DIPK1A: variants seen among roughly 807,000 people sequenced by gnomAD.
DIPK1A encodes the protein family with sequence similarity 69 member A.
DIPK1A carries 27 observed loss-of-function variants against 40.8 expected under a neutral mutation model. That is an observed-to-expected ratio of 0.66 (90% CI 0.49 to 0.91). The LOEUF (loss-of-function observed/expected upper bound fraction) is 0.91, where lower values mean the gene tolerates loss of function less well. DIPK1A is among the 40% of genes least tolerant of loss of function. DIPK1A has a pLI of 0.00. For synonymous variants in DIPK1A, 166 were observed against 171.3 expected, an observed-to-expected ratio of 0.97 and a Z score of 0.24; for missense variants, 412 against 505.7, an observed-to-expected ratio of 0.81 and a Z score of 1.78.
intron 1 of DIPK1A, among the ~76,000 whole-genome samples, chr1:92,881,154 C>CA (rs1377964852): frequency 3.0e-4 from 32 of 106,432 alleles, no homozygotes; most frequent in African/African-American, 1.2e-3. Context: ...GCCTGGGTGA[C>CA]AGAGCGAGAC....
At chr1:92,879,781 T>C (rs1648289745) in intron 1 of DIPK1A, among the ~76,000 whole-genome samples, 1 of 152,234 alleles carries the variant, frequency 6.6e-6, no homozygotes, top group Non-Finnish European at 1.5e-5. Context: ...CTCACTAAAA[T>C]GTTTCTAGTG....
intron 2 of DIPK1A, among the ~76,000 whole-genome samples, chr1:92,859,575 A>G (rs1042509197): frequency 6.6e-6 from 1 of 152,208 alleles, no homozygotes; most frequent in Non-Finnish European, 1.5e-5. Flanking sequence ...GCTTGGCTAG[A>G]GCTGTAATCA....
chr1:92,876,021 T>G (rs1648104561), intron 2 of DIPK1A, among the ~76,000 whole-genome samples: 1 of 149,424 alleles, frequency 6.7e-6, no homozygotes, highest in East Asian at 1.9e-4. Flanking sequence ...TTAAATATAT[T>G]AAAAATATAT....
intron 1 of DIPK1A, chr1:92,931,120 T>C (rs1650730385): frequency 2.6e-5 from 4 of 152,164 alleles, no homozygotes; most frequent in Admixed American, 2.6e-4. Flanking sequence ...AATAGATTTA[T>C]TATTTAGAGC....
rs1229617250 is a variant in DIPK1A, at chr1:92,842,652, A to G, written c.*731T>C. On this transcript the variant is annotated 3_prime_UTR_variant, in exon 5 of 5. Coordinates refer to ENST00000370310, the MANE Select transcript of DIPK1A (RefSeq NM_001006605.5). Reference sequence around the variant, plus strand: ...CATAGTTCAAAATCAGGATATGTGGATCTTGATTGGGCCTTAAGATGTCAG... The same window carrying G: ...CATAGTTCAAAATCAGGATATGTGGGTCTTGATTGGGCCTTAAGATGTCAG... 1 of 985,300 alleles carries G rather than the reference A, an allele frequency of 1.0e-6. No individual in the cohort carries two copies. Among genetic ancestry groups the G allele is most frequent in the African/African-American group, 1.7e-5 (1 of 57,228 alleles). 61.0% of individuals were successfully genotyped at this position (985,300 alleles called of 1,614,324 possible).
chr1:92,852,993 G>C (rs970024265), intron 2 of DIPK1A, among the ~76,000 whole-genome samples: 3 of 152,090 alleles, frequency 2.0e-5, no homozygotes, highest in African/African-American at 7.2e-5. Context: ...AGTGAGCCAA[G>C]ATCACACGAC....
At chr1:92,832,928 T>C in exon 5 of DIPK1A, 1 of 682,480 alleles carries the variant, frequency 1.5e-6, no homozygotes, top group Non-Finnish European at 2.7e-6. Flanking sequence ...GAGGCTAGGT[T>C]TTCGAAGTGG....
At chr1:92,954,306 A>AT (rs1203937669) in intron 1 of DIPK1A, among the ~76,000 whole-genome samples, 106 of 151,634 alleles carry the variant, frequency 7.0e-4, no homozygotes, top group African/African-American at 2.2e-3. Flanking sequence ...TCACAAAAAA[A>AT]AAAATAAATA....
intron 3 of DIPK1A, among the ~76,000 whole-genome samples, chr1:92,849,550 G>A (rs1687744916): frequency 6.6e-6 from 1 of 151,552 alleles, no homozygotes; most frequent in South Asian, 2.1e-4. Flanking sequence ...TCGCTCTATT[G>A]TCCAGGCTGG....
At chr1:92,871,327 G>A (rs1385219548) in intron 2 of DIPK1A, among the ~76,000 whole-genome samples, 3 of 151,958 alleles carry the variant, frequency 2.0e-5, no homozygotes, top group East Asian at 1.9e-4. Context: ...CACCACGCAC[G>A]GCTAATTTTG....
chr1:92,884,335 C>T (rs1461706641), intron 1 of DIPK1A, among the ~76,000 whole-genome samples: 2 of 151,982 alleles, frequency 1.3e-5, no homozygotes, highest in Non-Finnish European at 2.9e-5. Context: ...TGCCTGTGAT[C>T]CCAGCTACAC....
In DIPK1A at chr1:92,875,157, TTTCCGTC is replaced by T. The variant is rs555106322; in HGVS notation, c.189+1132_189+1138del. Among the ~76,000 whole-genome samples the T allele has an allele frequency of 1.4e-3, 213 of 152,306 alleles. 1 individual carries two copies. The highest frequency in any genetic ancestry group is 4.8e-3 in the African/African-American group (198 of 41,554). ...TCTTAGAACTTGGGGAAGCTCCAGGTTTCCGTCTTATGTTCCCATAACAGTTGCTATC... is the reference window on the plus strand; with the variant it reads ...TCTTAGAACTTGGGGAAGCTCCAGGTTTATGTTCCCATAACAGTTGCTATC... On this transcript the variant is annotated intron_variant, in intron 2 of 4. Transcript: ENST00000370310.
chr1:92,848,642 C>T (rs1408246793), intron 3 of DIPK1A, among the ~76,000 whole-genome samples: 1 of 152,168 alleles, frequency 6.6e-6, no homozygotes, highest in Non-Finnish European at 1.5e-5. Flanking sequence ...ATCCTCATAG[C>T]CTTTTGCACT....
At chr1:92,838,947 A>G (rs1281056138), downstream of DIPK1A, among the ~76,000 whole-genome samples, 1 of 151,416 alleles carries the variant, frequency 6.6e-6, no homozygotes, top group East Asian at 1.9e-4. Flanking sequence ...ACATCTCCAC[A>G]TTGATTGAAT....
intron 1 of DIPK1A, among the ~76,000 whole-genome samples, chr1:92,949,336 G>A (rs901196317): frequency 6.6e-6 from 1 of 151,560 alleles, no homozygotes; most frequent in African/African-American, 2.4e-5. Context: ...GTGCAATGGC[G>A]CAATCTCAGC....
At chr1:92,944,881 C>T (rs1651303264) in intron 1 of DIPK1A, among the ~76,000 whole-genome samples, 1 of 152,078 alleles carries the variant, frequency 6.6e-6, no homozygotes, top group African/African-American at 2.4e-5. Context: ...AAGTGATCCT[C>T]CTGCTTTGCG....
At chr1:92,871,173 A>AT (rs1020612528) in intron 2 of DIPK1A, among the ~76,000 whole-genome samples, 10 of 150,846 alleles carry the variant, frequency 6.6e-5, no homozygotes, top group Middle Eastern at 3.4e-3. Flanking sequence ...TTATTTATTT[A>AT]TTTTTTTCTG....
downstream of DIPK1A, chr1:92,837,723 G>C (rs1185108447): frequency 7.6e-6 from 8 of 1,053,078 alleles, no homozygotes; most frequent in African/African-American, 9.5e-5. Flanking sequence ...TTCTTATATA[G>C]GTGTGTTTCT....
intron 2 of DIPK1A, among the ~76,000 whole-genome samples, chr1:92,868,702 A>T (rs1647683049): frequency 1.3e-5 from 2 of 152,204 alleles, no homozygotes; most frequent in Admixed American, 1.3e-4. Flanking sequence ...GCGGTGGCTC[A>T]TACCTGTAAT....
Sources: allele counts gnomAD v4.1 joint callset (sites outside exome capture counted in the v4.1 genomes callset), GRCh38; gene constraint gnomAD v4.1.1; transcripts MANE v1.5; gene names NCBI Gene and HGNC (gene_info 2026-07-23, HGNC 2026-07-21).